Variants in B3GALT1 observed in about 807,000 individuals in gnomAD.
The protein encoded by B3GALT1 is beta-1,3-galactosyltransferase 1.
Under a neutral mutation model 23.2 loss-of-function variants are expected in B3GALT1, and 10 were observed. The observed-to-expected ratio is 0.43, with a 90% CI of 0.27 to 0.73. The LOEUF (loss-of-function observed/expected upper bound fraction) is 0.73. Ranked by LOEUF, B3GALT1 falls within the 30% of genes least tolerant of loss-of-function variation. The pLI is 0.21. For synonymous variants in B3GALT1, 156 were observed against 141.5 expected, an observed-to-expected ratio of 1.10 and a Z score of -0.73; for missense variants, 299 against 405.4, an observed-to-expected ratio of 0.74 and a Z score of 2.25.
At position 167,835,598 on chromosome 2, in the gene B3GALT1, G is replaced by A. The variant is rs1184905683; in HGVS notation, c.-230+16805G>A. Among the ~76,000 whole-genome samples the A allele has an allele frequency of 3.3e-5, 5 of 152,316 alleles. No homozygotes were observed. The East Asian group carries it at 9.6e-4, about 29-fold the overall frequency. Reference sequence around the variant, plus strand: ...CCTGCCTCTGTAGGCTCCACCTCTGGGGGCAGGGCACAGACAAACAAAAAG... The same window carrying A: ...CCTGCCTCTGTAGGCTCCACCTCTGAGGGCAGGGCACAGACAAACAAAAAG... On this transcript the variant is annotated intron_variant, in intron 4 of 4. Transcript: ENST00000392690.
intron 3 of B3GALT1, among the ~76,000 whole-genome samples, chr2:167,707,108 C>A (rs1686977050): frequency 6.6e-6 from 1 of 152,174 alleles, no homozygotes; most frequent in Non-Finnish European, 1.5e-5. Context: ...CCCAGCCCAC[C>A]TCCTGGTTGA....
At chr2:167,694,960 A>G (rs1574217266) in intron 3 of B3GALT1, among the ~76,000 whole-genome samples, 2 of 152,286 alleles carry the variant, frequency 1.3e-5, no homozygotes, top group South Asian at 2.1e-4. Context: ...TCTTTTAAGT[A>G]TTACCCAACA....
intron 2 of B3GALT1, among the ~76,000 whole-genome samples, chr2:167,578,828 T>G (rs377132252): frequency 6.6e-6 from 1 of 152,028 alleles, no homozygotes; most frequent in African/African-American, 2.4e-5. Context: ...CTCTGGAACT[T>G]AACAGGTACC....
chr2:167,682,405 G>C (rs1686547567), intron 3 of B3GALT1, among the ~76,000 whole-genome samples: 1 of 152,086 alleles, frequency 6.6e-6, no homozygotes, highest in Non-Finnish European at 1.5e-5. Context: ...TTATCACAAT[G>C]GTCCCATTTG....
At chr2:167,840,453 A>G (rs1299985378) in intron 4 of B3GALT1, among the ~76,000 whole-genome samples, 14 of 151,948 alleles carry the variant, frequency 9.2e-5, no homozygotes, top group African/African-American at 3.4e-4. Context: ...CATCAGAGAA[A>G]TGCAAATCAA....
At chr2:167,698,961 A>G (rs374230619) in intron 3 of B3GALT1, among the ~76,000 whole-genome samples, 59 of 152,342 alleles carry the variant, frequency 3.9e-4, no homozygotes, top group Admixed American at 1.0e-3. Flanking sequence ...CCCCAAAGGG[A>G]AGCCACCTTT....
At chr2:167,657,257 A>G (rs1477122075) in intron 3 of B3GALT1, among the ~76,000 whole-genome samples, 1 of 152,088 alleles carries the variant, frequency 6.6e-6, no homozygotes, top group Non-Finnish European at 1.5e-5. Flanking sequence ...GAAGAATAAG[A>G]TCTAGGGAAT....
chr2:167,368,381 A>G (rs986293397), intron 1 of B3GALT1, among the ~76,000 whole-genome samples: 1 of 152,222 alleles, frequency 6.6e-6, no homozygotes, highest in Admixed American at 6.5e-5. Context: ...GGGATAAGAC[A>G]TAAATCCTGA....
At position 167,456,682 on chromosome 2, in the gene B3GALT1, G is replaced by A. The variant is rs573909430; in HGVS notation, c.-510-33495G>A. On this transcript the variant is annotated intron_variant, in intron 1 of 4. Transcript: ENST00000392690. The stretch of plus-strand genomic sequence containing the variant: ...AGAACAGCTCACAGAACTCAGAAAG[G>A]CACTTTACTTATGATTACCAGTTTA... Among the ~76,000 whole-genome samples, 3 of 152,128 alleles carry A rather than the reference G, an allele frequency of 2.0e-5. No individual in the cohort carries two copies. In the East Asian group the frequency reaches 5.8e-4, roughly 29 times the overall value.
chr2:167,299,751 G>A (rs1325459161), intron 1 of B3GALT1, among the ~76,000 whole-genome samples: 13 of 151,612 alleles, frequency 8.6e-5, no homozygotes, highest in Non-Finnish European at 1.6e-4. Flanking sequence ...ATTATTGAAG[G>A]CAGCTAAAAA....
chr2:167,479,897 C>G (rs1162809311), intron 1 of B3GALT1, among the ~76,000 whole-genome samples: 1 of 152,132 alleles, frequency 6.6e-6, no homozygotes, highest in Non-Finnish European at 1.5e-5. Flanking sequence ...AGAATAGGTG[C>G]TGCTTATTAG....
At chr2:167,858,028 A>G (rs1285797349) in intron 4 of B3GALT1, among the ~76,000 whole-genome samples, 1 of 152,194 alleles carries the variant, frequency 6.6e-6, no homozygotes, top group East Asian at 1.9e-4. Flanking sequence ...ATCATGGTAT[A>G]GCCATTTCAG....
intron 3 of B3GALT1, among the ~76,000 whole-genome samples, chr2:167,716,991 C>G (rs1441225176): frequency 6.6e-6 from 1 of 152,084 alleles, no homozygotes; most frequent in African/African-American, 2.4e-5. Context: ...GTATAATTGT[C>G]TTACATACAT....
chr2:167,794,555 CT>C lies in B3GALT1; in HGVS notation c.-351-24116del, dbSNP rs1688509587. Reference sequence around the variant, plus strand: ...GAATCCTGACTCCTCCCTAGCCAACCTAACAGAACAGAAAACCAGAAAGCTT... The same window carrying C: ...GAATCCTGACTCCTCCCTAGCCAACCAACAGAACAGAAAACCAGAAAGCTT... On this transcript the variant is annotated intron_variant, in intron 3 of 4. Coordinates refer to ENST00000392690, the MANE Select transcript of B3GALT1 (RefSeq NM_020981.4). Among the ~76,000 whole-genome samples, 7 of 152,296 alleles carry C rather than the reference CT, an allele frequency of 4.6e-5. No individual in the cohort carries two copies. In the South Asian group the frequency reaches 1.5e-3, roughly 32 times the overall value.
intron 4 of B3GALT1, among the ~76,000 whole-genome samples, chr2:167,828,527 A>G (rs1689276347): frequency 4.6e-5 from 7 of 152,198 alleles, no homozygotes; most frequent in Admixed American, 4.6e-4. Flanking sequence ...TGGCTCCTAT[A>G]TTCCCAACAG....
intron 4 of B3GALT1, among the ~76,000 whole-genome samples, chr2:167,843,592 G>GATAA (rs1347270917): frequency 6.6e-5 from 10 of 152,184 alleles, no homozygotes; most frequent in African/African-American, 2.4e-4. Flanking sequence ...CAAGCTCTGA[G>GATAA]ATAAATAACC....
rs1192182841 is a variant in B3GALT1, at chr2:167,520,980, AC to A, written c.-410+30704del. The stretch of plus-strand genomic sequence containing the variant: ...TTCAATTAGGGCACAAACAAGATTA[AC>A]TTTTTTTTTTTTGTAAATTGACATA... On this transcript the variant is annotated intron_variant, in intron 2 of 4. Coordinates refer to ENST00000392690, the MANE Select transcript of B3GALT1 (RefSeq NM_020981.4). Among the ~76,000 whole-genome samples, 36 of 150,936 alleles carry A rather than the reference AC, an allele frequency of 2.4e-4. 1 individual carries two copies. Among genetic ancestry groups the A allele is most frequent in the African/African-American group, 7.0e-4 (29 of 41,250 alleles).
intron 2 of B3GALT1, among the ~76,000 whole-genome samples, chr2:167,560,529 A>G (rs1683958504): frequency 6.6e-6 from 1 of 152,262 alleles, no homozygotes; most frequent in African/African-American, 2.4e-5. Flanking sequence ...TAAAGAGTCA[A>G]GACCCATCAG....
intron 1 of B3GALT1, among the ~76,000 whole-genome samples, chr2:167,444,411 T>C (rs1698948349): frequency 6.6e-6 from 1 of 152,238 alleles, no homozygotes; most frequent in African/African-American, 2.4e-5. Flanking sequence ...TCCCTTTTTT[T>C]CTATCGATTA....
Sources: gnomAD v4.1 joint callset for allele counts (sites outside exome capture counted in the v4.1 genomes callset) on GRCh38, gnomAD v4.1.1 for gene constraint, MANE v1.5 for transcripts, NCBI Gene and HGNC (gene_info 2026-07-23, HGNC 2026-07-21) for gene names.